Variants in WT1 observed in about 807,000 individuals in gnomAD.
WT1 encodes Wilms tumor protein.
WT1 carries 8 observed loss-of-function variants against 60.8 expected under a neutral mutation model. That is an observed-to-expected ratio of 0.13 (90% CI 0.08 to 0.24). The LOEUF (loss-of-function observed/expected upper bound fraction) is 0.24, where lower values mean the gene tolerates loss of function less well. Ranked by LOEUF, WT1 falls within the 10% of genes least tolerant of loss-of-function variation. WT1 has a pLI of 1.00. For missense variants in WT1, 568 were observed against 711.8 expected (o/e 0.80, Z 2.30); for synonymous variants, 312 against 297.1 (o/e 1.05, Z -0.52).
At chr11:32,411,311 G>A (rs919803950) in intron 5 of WT1, among the ~76,000 whole-genome samples, 2 of 152,192 alleles carry the variant, frequency 1.3e-5, no homozygotes, top group African/African-American at 4.8e-5. Flanking sequence ...ATCATGGTAT[G>A]GAGGTAAGTC....
chr11:32,422,716 C>G (rs1852895065), intron 3 of WT1, among the ~76,000 whole-genome samples: 1 of 152,186 alleles, frequency 6.6e-6, no homozygotes, highest in African/African-American at 2.4e-5. Context: ...GTCAATGTCA[C>G]CATTTGTGAA....
chr11:32,388,368 A>G lies in WT1; in HGVS notation c.*690T>C, dbSNP rs1851720799. On this transcript the variant is annotated 3_prime_UTR_variant, in exon 10 of 10. Transcript: ENST00000452863. Reference sequence around the variant, plus strand: ...AAATCTCAGATCTTCATAGTTTCTTAAGAGCAGTGTGCCAGTGTTCACATT... The same window carrying G: ...AAATCTCAGATCTTCATAGTTTCTTGAGAGCAGTGTGCCAGTGTTCACATT... The G allele has an allele frequency of 4.3e-6, 1 of 233,654 alleles. No individual in the cohort carries two copies. Among genetic ancestry groups the G allele is most frequent in the African/African-American group, 2.2e-5 (1 of 45,356 alleles). The allele number at this position is 233,654 out of a possible 1,614,324, so 14.5% of individuals were successfully genotyped here.
intron 1 of WT1, chr11:32,430,683 G>T (rs945741413): frequency 9.1e-6 from 13 of 1,429,130 alleles, no homozygotes; most frequent in Non-Finnish European, 1.2e-5. Context: ...CCAGAACTCG[G>T]GCCCAAGGAT....
At position 32,428,611 on chromosome 11, in the gene WT1, T is replaced by C; in HGVS notation, c.670A>G (p.Thr224Ala). Residue 224 changes from threonine (T) to alanine (A), a missense_variant, in exon 2 of 10, where the codon ACG becomes GCG. By Grantham distance (58) the Thr-to-Ala change is moderately conservative. This residue lies in a region of WT1 where 523 missense variants were observed against 565.1 expected (regional missense o/e 0.93). Transcript: ENST00000452863. Reference sequence around the variant, plus strand: ...CTGGGCGTCCCGTCGAAGGTGACCGTGCTGTAACCTGCGGGAGCGGCGGAG... The same window carrying C: ...CTGGGCGTCCCGTCGAAGGTGACCGCGCTGTAACCTGCGGGAGCGGCGGAG... The C allele has an allele frequency of 1.9e-6, 3 of 1,613,240 alleles. No individual in the cohort carries two copies. Among genetic ancestry groups the C allele is most frequent in the South Asian group, 2.2e-5 (2 of 91,074 alleles).
intron 5 of WT1, among the ~76,000 whole-genome samples, chr11:32,404,758 G>A (rs1439941037): frequency 6.6e-6 from 1 of 152,096 alleles, no homozygotes; most frequent in East Asian, 1.9e-4. Context: ...TTCCACTATT[G>A]GACTGGTAAT....
In WT1 at chr11:32,435,168, C is replaced by T. The variant is rs374404615; in HGVS notation, c.193G>A (p.Gly65Arg). The T allele has an allele frequency of 2.4e-4, 372 of 1,521,092 alleles. No individual in the cohort carries two copies. Among genetic ancestry groups the T allele is most frequent in the Non-Finnish European group, 3.1e-4 (355 of 1,140,126 alleles). 94.2% of individuals were successfully genotyped at this position (1,521,092 alleles called of 1,614,324 possible). ...TGCTGCGGCTCAGACCCGGACGCCC[C>T]GCGGCTCCTCCGGCCCTGGAGACGT... The change falls in exon 1 of 10, where the codon GGG becomes AGG. Residue 65 changes from glycine to arginine, a missense_variant. By Grantham distance (125) the Gly-to-Arg change is moderately radical. Transcript: ENST00000452863.
rs761414130 is a variant in WT1 at position 32,391,985 on chromosome 11, A to G, written c.1434T>C (p.His478=). The G allele has an allele frequency of 2.2e-5, 35 of 1,614,054 alleles. No homozygotes were observed. Among genetic ancestry groups the G allele is most frequent in the Non-Finnish European group, 2.8e-5 (33 of 1,180,000 alleles). The change falls in exon 9 of 10, where the codon CAT becomes CAC. Residue 478 remains histidine, a synonymous_variant. Coordinates refer to ENST00000452863, the MANE Select transcript of WT1 (RefSeq NM_024426.6). ...AAGTTTACGCACTTGTTTTACCTGT[A>G]TGAGTCCTGGTGTGGGTCTTCAGGT...
chr11:32,433,938 C>T (rs755329313), intron 1 of WT1, among the ~76,000 whole-genome samples: 3 of 152,260 alleles, frequency 2.0e-5, no homozygotes, highest in Non-Finnish European at 4.4e-5. Context: ...GCTCGTGCCT[C>T]CTTCCACTGC....
At chr11:32,395,864 C>T (rs750486788) in intron 7 of WT1, among the ~76,000 whole-genome samples, 1 of 152,026 alleles carries the variant, frequency 6.6e-6, no homozygotes, top group Non-Finnish European at 1.5e-5. Flanking sequence ...TTTCTTTGGA[C>T]CATCTCTTCT....
chr11:32,401,510 G>T (rs1393666670), intron 5 of WT1, among the ~76,000 whole-genome samples: 1 of 151,808 alleles, frequency 6.6e-6, no homozygotes, highest in Admixed American at 6.6e-5. Context: ...ATTATCGGGG[G>T]GGGGTGTGGT....
intron 7 of WT1, among the ~76,000 whole-genome samples, chr11:32,395,536 A>T (rs1357373671): frequency 1.3e-5 from 2 of 150,220 alleles, no homozygotes; most frequent in Non-Finnish European, 3.0e-5. Context: ...CAGTGGTAAG[A>T]TCTCAGCTCA....
intron 3 of WT1, among the ~76,000 whole-genome samples, chr11:32,418,287 G>A (rs1852745057): frequency 6.7e-6 from 1 of 150,030 alleles, no homozygotes; most frequent in African/African-American, 2.4e-5. Context: ...ACTCTATGAG[G>A]GAAATGGCTT....
At chr11:32,411,068 TACACACAC>T (rs10525221) in intron 5 of WT1, among the ~76,000 whole-genome samples, 1 of 145,710 alleles carries the variant, frequency 6.9e-6, no homozygotes, top group Non-Finnish European at 1.5e-5. Context: ...CCCTCTCCAA[TACACACAC>T]ACACACACAC....
At position 32,411,698 on chromosome 11, in the gene WT1, A is replaced by G. The variant is rs5030231; in HGVS notation, c.1016+4792T>C. ...TAGAAAAGGCCAACAGCCAGGGAGG[A>G]GAAAGAAGAAGCAGAAAAGTGAGAA... On this transcript the variant is annotated intron_variant, in intron 5 of 9. Coordinates refer to ENST00000452863, the MANE Select transcript of WT1 (RefSeq NM_024426.6). Among the ~76,000 whole-genome samples, 537 of 152,314 alleles carry G rather than the reference A, an allele frequency of 3.5e-3. 2 individuals are homozygous for G. The highest frequency in any genetic ancestry group is 6.8e-3 in the Middle Eastern group (2 of 294).
At chr11:32,417,972 G>C (rs1316821062) in intron 3 of WT1, among the ~76,000 whole-genome samples, 1 of 151,964 alleles carries the variant, frequency 6.6e-6, no homozygotes, top group Non-Finnish European at 1.5e-5. Context: ...ACTTTGAAAG[G>C]CAACACAGGC....
chr11:32,427,462 G>A (rs916755331), intron 3 of WT1, among the ~76,000 whole-genome samples: 1 of 152,192 alleles, frequency 6.6e-6, no homozygotes, highest in African/African-American at 2.4e-5. Context: ...GCGTAGCAGG[G>A]GCGCTGGGAA....
intron 5 of WT1, among the ~76,000 whole-genome samples, chr11:32,407,818 G>C (rs1048754060): frequency 6.6e-6 from 1 of 151,918 alleles, no homozygotes; most frequent in African/African-American, 2.4e-5. Flanking sequence ...AAACACAAGA[G>C]AAGAGGCTGA....
rs5030316 is a variant in WT1, at chr11:32,388,834, T to G, written c.*224A>C. The G allele has an allele frequency of 8.5e-6, 6 of 707,692 alleles. No homozygotes were observed. Among genetic ancestry groups the G allele is most frequent in the Non-Finnish European group, 1.4e-5 (6 of 440,182 alleles). The allele number at this position is 707,692 out of a possible 1,614,324, so 43.8% of individuals were successfully genotyped here. On this transcript the variant is annotated 3_prime_UTR_variant, in exon 10 of 10. Transcript: ENST00000452863. ...TTTTAACTAACCAGACATTGTTAGC[T>G]GCTTCTCCAGGGCCTGTGAGTCAAC...
At chr11:32,401,759 C>T (rs1363775460) in intron 5 of WT1, among the ~76,000 whole-genome samples, 11 of 152,160 alleles carry the variant, frequency 7.2e-5, no homozygotes. Context: ...AGGCCAGTCT[C>T]GAACTCCTGG....
Sources: allele counts gnomAD v4.1 joint callset (sites outside exome capture counted in the v4.1 genomes callset), GRCh38; gene constraint gnomAD v4.1.1; regional missense constraint gnomAD v4.1.1; transcripts MANE v1.5; gene names NCBI Gene and HGNC (gene_info 2026-07-23, HGNC 2026-07-21).